Variants in OSBPL10 observed in about 807,000 individuals in gnomAD.
OSBPL10 encodes the protein oxysterol binding protein like 10, also known as oxysterol-binding protein-related protein 10.
In OSBPL10, 49 loss-of-function variants were observed where a neutral mutation model predicts 81.7. The observed-to-expected ratio is 0.60, with a 90% confidence interval of 0.48 to 0.76. OSBPL10 has a LOEUF of 0.76. OSBPL10 is among the 30% of genes least tolerant of loss of function. The probability of loss-of-function intolerance (pLI) is 0.00; values close to 1 mark genes in which losing one functional copy is unlikely to be tolerated. For synonymous variants in OSBPL10, 419 were observed against 383.6 expected, an observed-to-expected ratio of 1.09 and a Z score of -1.08; for missense variants, 923 against 987.8, an observed-to-expected ratio of 0.93 and a Z score of 0.88.
At chr3:31,916,325 C>CCTACTCACCTATTT (rs1181730580) in intron 1 of OSBPL10, among the ~76,000 whole-genome samples, 7 of 152,104 alleles carry the variant, frequency 4.6e-5, no homozygotes, top group Admixed American at 6.6e-5. Context: ...CCTATTTCCC[C>CCTACTCACCTATTT]AATTCTAAAG....
intron 7 of OSBPL10, among the ~76,000 whole-genome samples, chr3:31,691,258 A>C (rs949767414): frequency 6.6e-6 from 1 of 152,258 alleles, no homozygotes; most frequent in African/African-American, 2.4e-5. Flanking sequence ...AAAAGTAAAT[A>C]ACCAATCTTC....
intron 1 of OSBPL10, among the ~76,000 whole-genome samples, chr3:32,052,081 A>G (rs1340346575): frequency 1.3e-5 from 2 of 151,826 alleles, no homozygotes; most frequent in Non-Finnish European, 2.9e-5. Flanking sequence ...CCCCACCTTT[A>G]CCAAAAATAC....
rs780125059 is a variant in OSBPL10 at position 31,748,112 on chromosome 3, GT to G, written c.737del (p.Asn246ThrfsTer33). The G allele has an allele frequency of 1.2e-6, 2 of 1,612,252 alleles. No individual in the cohort carries two copies. The highest frequency in any genetic ancestry group is 2.7e-5 in the African/African-American group (2 of 75,008). On this transcript the variant is annotated frameshift_variant, in exon 5 of 12. Transcript: ENST00000396556. LOFTEE classifies it high-confidence loss of function. ...GQLHEVREMM[N>X]QVEGQQKNLV... ...GGTTCTTCTGCTGCCCTTCCACCTG[GT>G]TCATCATCTACAAAACAAGAAGACA...
intron 4 of OSBPL10, among the ~76,000 whole-genome samples, chr3:31,779,780 AG>A (rs1698640785): frequency 6.6e-6 from 1 of 152,202 alleles, no homozygotes; most frequent in African/African-American, 2.4e-5. Flanking sequence ...GGAATACTCA[AG>A]ATAGACCATA....
At chr3:31,888,106 G>A (rs1695789509) in intron 1 of OSBPL10, among the ~76,000 whole-genome samples, 1 of 152,096 alleles carries the variant, frequency 6.6e-6, no homozygotes, top group Non-Finnish European at 1.5e-5. Context: ...AAACAGCATG[G>A]TACTGGCACA....
intron 4 of OSBPL10, among the ~76,000 whole-genome samples, chr3:31,808,702 CCTAA>C (rs1216358949): frequency 1.3e-5 from 2 of 152,342 alleles, no homozygotes; most frequent in South Asian, 4.1e-4. Context: ...TTCCGATATT[CCTAA>C]CTAAATTCAT....
At chr3:31,982,979 C>A (rs1046400812), upstream of OSBPL10, among the ~76,000 whole-genome samples, 1 of 152,222 alleles carries the variant, frequency 6.6e-6, no homozygotes, top group Non-Finnish European at 1.5e-5. Context: ...GTTCCACCAT[C>A]TTTCTCTTTT....
At position 31,764,926 on chromosome 3, in the gene OSBPL10, G is replaced by C. The variant is rs540834774; in HGVS notation, c.730-16806C>G. Among the ~76,000 whole-genome samples the C allele has an allele frequency of 1.2e-3, 186 of 152,238 alleles. 1 individual carries two copies. The highest frequency in any genetic ancestry group is 4.3e-3 in the African/African-American group (180 of 41,552). On this transcript the variant is annotated intron_variant, in intron 4 of 11. Coordinates refer to ENST00000396556, the MANE Select transcript of OSBPL10 (RefSeq NM_017784.5). ...CTTCTTCGACCCCGGCTTACAGGTT[G>C]TTTTCACCAGATAGCCTTCCATCAT...
chr3:31,709,492 G>A (rs923543843), intron 6 of OSBPL10: 1 of 152,074 alleles, frequency 6.6e-6, no homozygotes, highest in East Asian at 1.9e-4. Flanking sequence ...AAACATTCGA[G>A]GGAAGCATTC....
intron 1 of OSBPL10, among the ~76,000 whole-genome samples, chr3:31,911,977 T>G (rs937861518): frequency 1.3e-5 from 2 of 152,154 alleles, no homozygotes; most frequent in Non-Finnish European, 2.9e-5. Context: ...TTAAAAATGG[T>G]AATTTTGATG....
intron 2 of OSBPL10, among the ~76,000 whole-genome samples, chr3:32,007,960 CT>C (rs1290862710): frequency 6.6e-6 from 1 of 151,870 alleles, no homozygotes; most frequent in Non-Finnish European, 1.5e-5. Context: ...CCACCTCAGC[CT>C]CCCAAAGTGC....
chr3:31,767,928 T>TA (rs1250920971), intron 4 of OSBPL10, among the ~76,000 whole-genome samples: 1 of 152,022 alleles, frequency 6.6e-6, no homozygotes, highest in Non-Finnish European at 1.5e-5. Context: ...GCCTACAGAG[T>TA]AAAGTAAAAG....
chr3:32,039,137 A>G (rs1345937484), intron 2 of OSBPL10, among the ~76,000 whole-genome samples: 1 of 151,884 alleles, frequency 6.6e-6, no homozygotes, highest in Non-Finnish European at 1.5e-5. Flanking sequence ...CAGCCTGGCC[A>G]ATATGGTGAA....
chr3:31,838,654 A>G (rs1700421022), intron 3 of OSBPL10, among the ~76,000 whole-genome samples: 1 of 152,114 alleles, frequency 6.6e-6, no homozygotes, highest in Non-Finnish European at 1.5e-5. Flanking sequence ...AGCTCTCTTC[A>G]ACTGAGGTCC....
chr3:31,989,503 G>A lies in OSBPL10; in HGVS notation n.298+56988C>T, dbSNP rs772678376. The A allele has an allele frequency of 6.8e-6, 11 of 1,614,072 alleles. No homozygotes were observed. The highest frequency in any genetic ancestry group is 5.0e-5 in the Admixed American group (3 of 59,998). On this transcript the variant is annotated intron_variant and non_coding_transcript_variant, in intron 2 of 3. Coordinates refer to the OSBPL10 transcript ENST00000479173. Reference sequence around the variant, plus strand: ...GTTGACTGGTAGCACCGACAGATATGATCGAAGGCATCCTGGAAACAAGCC... The same window carrying A: ...GTTGACTGGTAGCACCGACAGATATAATCGAAGGCATCCTGGAAACAAGCC...
At chr3:31,762,415 C>A (rs1045537476) in intron 4 of OSBPL10, among the ~76,000 whole-genome samples, 5 of 152,084 alleles carry the variant, frequency 3.3e-5, no homozygotes, top group African/African-American at 4.8e-5. Flanking sequence ...AGTGCTTTCA[C>A]AGTCACAGTC....
chr3:31,948,128 T>C (rs916553895), intron 1 of OSBPL10, among the ~76,000 whole-genome samples: 2 of 152,180 alleles, frequency 1.3e-5, no homozygotes, highest in African/African-American at 4.8e-5. Flanking sequence ...CATGAAGTAT[T>C]AGCAGCTAAC....
rs545836282 is a variant in OSBPL10 at position 31,694,890 on chromosome 3, G to A, written c.1245+7469C>T. On this transcript the variant is annotated intron_variant, in intron 7 of 11. Coordinates refer to ENST00000396556, the MANE Select transcript of OSBPL10 (RefSeq NM_017784.5). ...CTGCCTCAGCCTCCCAAGTAGCTGG[G>A]ATTACAGGCATGTGCCACCATGCCC... Among the ~76,000 whole-genome samples, 91 of 152,316 alleles carry A rather than the reference G, an allele frequency of 6.0e-4. 1 individual carries two copies. Among genetic ancestry groups the A allele is most frequent in the African/African-American group, 2.0e-3 (84 of 41,576 alleles).
At chr3:31,891,986 T>C (rs1028896685) in intron 1 of OSBPL10, among the ~76,000 whole-genome samples, 1 of 152,132 alleles carries the variant, frequency 6.6e-6, no homozygotes, top group Non-Finnish European at 1.5e-5. Context: ...AAAGCCCCTA[T>C]TCTAACGGGG....
Sources: gnomAD v4.1 joint callset for allele counts (sites outside exome capture counted in the v4.1 genomes callset) on GRCh38, gnomAD v4.1.1 for gene constraint, MANE v1.5 for transcripts, NCBI Gene and HGNC (gene_info 2026-07-23, HGNC 2026-07-21) for gene names.